EFHD1: variants seen among roughly 807,000 people sequenced by gnomAD.
The protein encoded by EFHD1 is EF-hand domain family member D1.
A neutral mutation model predicts 17.2 loss-of-function variants in EFHD1; 10 were observed. The observed-to-expected ratio is 0.58, with a 90% CI of 0.36 to 0.99. EFHD1 has a LOEUF of 0.99. EFHD1 is among the 50% of genes least tolerant of loss of function. EFHD1 has a pLI of 0.01. For missense variants in EFHD1, 310 were observed against 327.5 expected (o/e 0.95, Z 0.41); for synonymous variants, 153 against 142.0 (o/e 1.08, Z -0.55).
At chr2:232,618,713 ACT>A (rs1179208800) in intron 1 of EFHD1, among the ~76,000 whole-genome samples, 1 of 114,642 alleles carries the variant, frequency 8.7e-6, no homozygotes, top group Non-Finnish European at 1.8e-5. Context: ...ACAGAGCAAG[ACT>A]CTGTCTCAAA....
At chr2:232,671,807 A>G (rs1025301054) in intron 2 of EFHD1, among the ~76,000 whole-genome samples, 3 of 152,156 alleles carry the variant, frequency 2.0e-5, no homozygotes, top group African/African-American at 7.2e-5. Context: ...CTGTAATCCC[A>G]GCACTTTGGG....
chr2:232,680,719 G>C (rs917723072), intron 3 of EFHD1, among the ~76,000 whole-genome samples: 1 of 152,086 alleles, frequency 6.6e-6, no homozygotes, highest in Admixed American at 6.6e-5. Context: ...ATGTTGGCCA[G>C]GCTGGTCTCA....
upstream of EFHD1, among the ~76,000 whole-genome samples, chr2:232,629,665 C>T (rs1694168245): frequency 6.6e-6 from 1 of 151,870 alleles, no homozygotes; most frequent in Non-Finnish European, 1.5e-5. Context: ...GATGGGGTTT[C>T]ACCATGTTGG....
intron 1 of EFHD1, among the ~76,000 whole-genome samples, chr2:232,614,044 A>ACACACATACATACACATG (rs1553594248): frequency 7.0e-4 from 35 of 50,154 alleles, no homozygotes; most frequent in East Asian, 4.4e-3. Flanking sequence ...ACATACACAA[A>ACACACATACATACACATG]CACACACATA....
chr2:232,612,824 C>T (rs1286660766), intron 1 of EFHD1, among the ~76,000 whole-genome samples: 1 of 149,958 alleles, frequency 6.7e-6, no homozygotes, highest in Admixed American at 6.7e-5. Flanking sequence ...CCTCCACCTT[C>T]TGGGTTCAAG....
chr2:232,678,647 T>C (rs894184469), intron 3 of EFHD1, among the ~76,000 whole-genome samples: 1 of 151,892 alleles, frequency 6.6e-6, no homozygotes, highest in Admixed American at 6.6e-5. Context: ...GCTGGGCGTG[T>C]TGCCGCATAC....
At chr2:232,606,461 C>G (rs889865456) in intron 1 of EFHD1, 10 of 554,604 alleles carry the variant, frequency 1.8e-5, no homozygotes, top group Non-Finnish European at 9.8e-6. Context: ...TCGTCCTCCC[C>G]TGGAATGTCA....
At chr2:232,645,031 T>G (rs981935119) in intron 1 of EFHD1, among the ~76,000 whole-genome samples, 23 of 150,532 alleles carry the variant, frequency 1.5e-4, no homozygotes, top group Admixed American at 5.3e-4. Flanking sequence ...TCCTCCTGCC[T>G]CAGCCTCCTA....
At chr2:232,655,794 T>G (rs1198676985) in intron 1 of EFHD1, among the ~76,000 whole-genome samples, 2 of 144,694 alleles carry the variant, frequency 1.4e-5, no homozygotes, top group Admixed American at 7.2e-5. Flanking sequence ...CCTGTCCTTG[T>G]GTGGGGTCTT....
chr2:232,654,375 G>A (rs113740209), intron 1 of EFHD1, among the ~76,000 whole-genome samples: 5,259 of 149,780 alleles, frequency 0.035, 250 homozygotes, highest in African/African-American at 0.1. Flanking sequence ...CTCTCAGTTC[G>A]AACCCCAGAG....
chr2:232,628,796 C>A (rs1413907305), upstream of EFHD1, among the ~76,000 whole-genome samples: 1 of 152,126 alleles, frequency 6.6e-6, no homozygotes, highest in African/African-American at 2.4e-5. Context: ...GTCTATGATC[C>A]CTCTCCTCGA....
intron 2 of EFHD1, among the ~76,000 whole-genome samples, chr2:232,667,768 G>A (rs1017296963): frequency 3.3e-5 from 5 of 152,054 alleles, no homozygotes; most frequent in Non-Finnish European, 7.4e-5. Context: ...ATGTTGGCCA[G>A]GCTGGTCTCA....
At chr2:232,651,976 G>A (rs1694663322) in intron 1 of EFHD1, among the ~76,000 whole-genome samples, 1 of 152,174 alleles carries the variant, frequency 6.6e-6, no homozygotes. Flanking sequence ...GGGCAGAGCT[G>A]CGGGTTAGGG....
intron 1 of EFHD1, among the ~76,000 whole-genome samples, chr2:232,657,491 G>A (rs1293773535): frequency 6.6e-6 from 1 of 152,064 alleles, no homozygotes; most frequent in Non-Finnish European, 1.5e-5. Flanking sequence ...TCTACCTTTT[G>A]GTGACTGTGA....
At chr2:232,606,254 G>T (rs1693709522) in intron 1 of EFHD1, 1 of 1,484,630 alleles carries the variant, frequency 6.7e-7, no homozygotes, top group South Asian at 1.2e-5. Context: ...CTCTGGTCCA[G>T]AATAGGTGCG....
chr2:232,639,162 T>C (rs1694376631), intron 1 of EFHD1, among the ~76,000 whole-genome samples: 1 of 152,150 alleles, frequency 6.6e-6, no homozygotes, highest in South Asian at 2.1e-4. Flanking sequence ...CCCTGGGATG[T>C]CTCCTCCACC....
chr2:232,633,516 C>T, upstream of EFHD1: 1 of 1,266,994 alleles, frequency 7.9e-7, no homozygotes, highest in Non-Finnish European at 9.9e-7. Flanking sequence ...GCCCTGGCGC[C>T]TCCTTAAAGC....
intron 3 of EFHD1, among the ~76,000 whole-genome samples, chr2:232,681,173 A>AAATG (rs1357078479): frequency 6.6e-6 from 1 of 152,050 alleles, no homozygotes; most frequent in Non-Finnish European, 1.5e-5. Flanking sequence ...ATAAATAAAT[A>AAATG]AATAAAAAAT....
intron 1 of EFHD1, among the ~76,000 whole-genome samples, chr2:232,654,997 C>T (rs1400350589): frequency 6.6e-6 from 1 of 152,186 alleles, no homozygotes; most frequent in African/African-American, 2.4e-5. Flanking sequence ...TCCTCCCTTA[C>T]TCGCTTCACT....
Sources: gnomAD v4.1 joint callset for allele counts (sites outside exome capture counted in the v4.1 genomes callset) on GRCh38, gnomAD v4.1.1 for gene constraint, MANE v1.5 for transcripts, NCBI Gene and HGNC (gene_info 2026-07-23, HGNC 2026-07-21) for gene names.